Variants in ZNF329 observed in about 807,000 individuals in gnomAD.
The protein encoded by ZNF329 is zinc finger protein 329.
Under a neutral mutation model 26.6 loss-of-function variants are expected in ZNF329, and 15 were observed. The observed-to-expected ratio is 0.56, with a 90% CI of 0.38 to 0.87. The LOEUF is 0.87. ZNF329 is among the 40% of genes least tolerant of loss of function. The probability of loss-of-function intolerance (pLI) is 0.00; values close to 1 mark genes in which losing one functional copy is unlikely to be tolerated. For missense variants in ZNF329, 651 were observed against 651.9 expected (o/e 1.00, Z 0.02); for synonymous variants, 239 against 233.5 (o/e 1.02, Z -0.21).
chr19:58,130,399 C>T (rs985489696), intron 3 of ZNF329, among the ~76,000 whole-genome samples: 8 of 151,418 alleles, frequency 5.3e-5, no homozygotes, highest in Non-Finnish European at 8.8e-5. Flanking sequence ...GTCGGCCAGG[C>T]GCGGTGGTCA....
chr19:58,127,982 C>T lies in ZNF329; in HGVS notation c.1522G>A (p.Glu508Lys). 1 of 1,614,040 alleles carries T rather than the reference C, an allele frequency of 6.2e-7. No homozygotes were observed. The highest frequency in any genetic ancestry group is 8.5e-7 in the Non-Finnish European group (1 of 1,180,008). ...CACTGAGGACACCGGCTGGGACCCT[C>T]CCTGCTATGGAGTCTCTGATGTACT... ...LAVHQRLHSREGPSRCPQCGK... is the reference protein window; with the variant it reads ...LAVHQRLHSRKGPSRCPQCGK... The change falls in exon 4 of 4, where the codon GAG (glutamate) becomes AAG (lysine). Residue 508 changes from glutamate to lysine, a missense_variant. Transcript: ENST00000598312.
At chr19:58,130,435 G>A (rs541700327) in intron 3 of ZNF329, among the ~76,000 whole-genome samples, 193 of 152,182 alleles carry the variant, frequency 1.3e-3, no homozygotes, top group Admixed American at 2.3e-3. Context: ...CACTTTGGGA[G>A]GCCGAGGTGG....
chr19:58,140,695 G>C (rs552294567), intron 3 of ZNF329, among the ~76,000 whole-genome samples: 2 of 151,766 alleles, frequency 1.3e-5, no homozygotes, highest in Admixed American at 6.6e-5. Flanking sequence ...GATTACAGGC[G>C]TGACCACCGC....
chr19:58,146,015 AGAAAG>A (rs951494454), intron 1 of ZNF329, among the ~76,000 whole-genome samples: 5 of 151,606 alleles, frequency 3.3e-5, no homozygotes, highest in African/African-American at 1.2e-4. Context: ...AAAAAAAAAA[AGAAAG>A]GAGAGTGCCA....
intron 1 of ZNF329, 125 bp downstream of exon 1, chr19:58,150,627 G>C (rs915613673): frequency 1.3e-5 from 2 of 152,932 alleles, no homozygotes; most frequent in African/African-American, 4.8e-5. Context: ...CCACCACCCA[G>C]GTGAAACCCA....
chr19:58,137,809 C>CAAAAAAAAAAAAAAAAA (rs72295173), intron 3 of ZNF329, among the ~76,000 whole-genome samples: 1 of 76,260 alleles, frequency 1.3e-5, no homozygotes, highest in Non-Finnish European at 2.4e-5. Context: ...ACAAAAAATA[C>CAAAAAAAAAAAAAAAAA]AAAAAAAAAA....
At chr19:58,150,365 C>T (rs159679) in intron 1 of ZNF329, among the ~76,000 whole-genome samples, 84,390 of 152,070 alleles carry the variant, frequency 0.55, 23,576 homozygotes, top group South Asian at 0.64. Flanking sequence ...AGAAAAGCTG[C>T]AGACTCGGGG....
At chr19:58,153,362 A>G (rs551341543), upstream of ZNF329, among the ~76,000 whole-genome samples, 9 of 152,246 alleles carry the variant, frequency 5.9e-5, no homozygotes, top group African/African-American at 2.2e-4. Context: ...CACCCACCTC[A>G]GCCTCCCAAA....
rs2074856808 is a variant in ZNF329, at chr19:58,128,577, A to G, written c.927T>C (p.His309=). The change falls in exon 4 of 4, where the codon CAT becomes CAC. Residue 309 remains histidine (H), a synonymous_variant. Coordinates refer to ENST00000598312, the MANE Select transcript of ZNF329 (RefSeq NM_024620.4). ...NSSLILHQRT[H]TGEKPYRCNE... is the part of the protein sequence containing the mutation. ...TACATCTATATGGTTTTTCCCCTGTATGAGTTCTTTGGTGCAAAATTAAGG... is the reference window on the plus strand; with the variant it reads ...TACATCTATATGGTTTTTCCCCTGTGTGAGTTCTTTGGTGCAAAATTAAGG... The G allele has an allele frequency of 6.2e-7, 1 of 1,613,552 alleles. No homozygotes were observed. Among genetic ancestry groups the G allele is most frequent in the South Asian group, 1.1e-5 (1 of 91,056 alleles).
At position 58,128,450 on chromosome 19, in the gene ZNF329, A is replaced by G; in HGVS notation, c.1054T>C (p.Phe352Leu). 2 of 1,613,332 alleles carry G rather than the reference A, an allele frequency of 1.2e-6. No homozygotes were observed. The highest frequency in any genetic ancestry group is 1.7e-6 in the Non-Finnish European group (2 of 1,179,568). ...PYECSKCGKA[F>L]RDGSYLTQHE... ...TGGGTGAGGTACGAGCCGTCCCGGAAAGCCTTTCCACATTTGCTACACTCA... is the reference window on the plus strand; with the variant it reads ...TGGGTGAGGTACGAGCCGTCCCGGAGAGCCTTTCCACATTTGCTACACTCA... Residue 352 changes from phenylalanine to leucine, a missense_variant, in exon 4 of 4, where the codon TTC (phenylalanine) becomes CTC (leucine). By Grantham distance (22) the Phe-to-Leu change is conservative. Coordinates refer to ENST00000598312, the MANE Select transcript of ZNF329 (RefSeq NM_024620.4).
chr19:58,129,410 A>G lies in ZNF329; in HGVS notation c.94T>C (p.Ser32Pro). ...ERFTREVPCL[S>P]SLGDGWDCEN... ...CAGTCCCAACCATCACCTAAACTGGACAAGCAGGGAACTTCCCTTGTGAAT... is the reference window on the plus strand; with the variant it reads ...CAGTCCCAACCATCACCTAAACTGGGCAAGCAGGGAACTTCCCTTGTGAAT... The change falls in exon 4 of 4, where the codon TCC becomes CCC. Residue 32 changes from serine (S) to proline (P), a missense_variant. Coordinates refer to ENST00000598312, the MANE Select transcript of ZNF329 (RefSeq NM_024620.4). 1 of 1,614,164 alleles carries G rather than the reference A, an allele frequency of 6.2e-7. No individual in the cohort carries two copies. Among genetic ancestry groups the G allele is most frequent in the Non-Finnish European group, 8.5e-7 (1 of 1,180,018 alleles).
chr19:58,142,046 A>G (rs140942247), intron 3 of ZNF329, among the ~76,000 whole-genome samples: 108 of 152,290 alleles, frequency 7.1e-4, no homozygotes, highest in African/African-American at 2.6e-3. Context: ...GTGACAGAGC[A>G]AGACTACATC....
At chr19:58,142,171 A>G (rs1292635607) in intron 3 of ZNF329, among the ~76,000 whole-genome samples, 1 of 152,232 alleles carries the variant, frequency 6.6e-6, no homozygotes, top group Admixed American at 6.5e-5. Flanking sequence ...TGAAATGTCC[A>G]TAACAGGCAA....
Position 58,136,938 on chromosome 19 carries a change from C to T in ZNF329, c.-9+5619G>A, listed in dbSNP as rs533538753. The T allele has an allele frequency of 2.2e-5, 4 of 185,050 alleles. No individual in the cohort carries two copies. The East Asian group carries it at 5.9e-4, about 27-fold the overall frequency. 11.5% of individuals were successfully genotyped at this position (185,050 alleles called of 1,614,324 possible). A position where few individuals can be genotyped will look rare whatever the true frequency, so the allele number is the denominator to read the frequency against. The stretch of plus-strand genomic sequence containing the variant: ...TGACTGATGATCCTCCAACAATAAA[C>T]AACCTACTGCTTGTAAACTCATTGG... On this transcript the variant is annotated intron_variant, in intron 3 of 3. Coordinates refer to ENST00000598312, the MANE Select transcript of ZNF329 (RefSeq NM_024620.4).
intron 2 of ZNF329, 136 bp downstream of exon 2, chr19:58,142,969 A>G (rs1159045840): frequency 6.6e-6 from 1 of 152,590 alleles, no homozygotes; most frequent in Non-Finnish European, 1.5e-5. Flanking sequence ...GCCCAGCCAC[A>G]GCCGGGTGCA....
rs1046588380 is a variant in ZNF329 at position 58,126,574 on chromosome 19, A to T, written c.*1304T>A. The T allele has an allele frequency of 1.3e-5, 2 of 152,230 alleles. No homozygotes were observed. Among genetic ancestry groups the T allele is most frequent in the African/African-American group, 4.8e-5 (2 of 41,464 alleles). 9.4% of individuals were successfully genotyped at this position (152,230 alleles called of 1,614,324 possible). On this transcript the variant is annotated 3_prime_UTR_variant, in exon 4 of 4. Coordinates refer to ENST00000598312, the MANE Select transcript of ZNF329 (RefSeq NM_024620.4). ...GGTGGGGTGATAACATAAACATAAC[A>T]ACTCAGTATTTTTGCTTCAACAACT... is the stretch of plus-strand genomic sequence containing the variant.
At chr19:58,144,215 C>T (rs1457582959) in intron 1 of ZNF329, among the ~76,000 whole-genome samples, 1 of 151,358 alleles carries the variant, frequency 6.6e-6, no homozygotes, top group East Asian at 1.9e-4. Flanking sequence ...TGCTCTGTTG[C>T]CCAGGCTGGA....
intron 1 of ZNF329, among the ~76,000 whole-genome samples, chr19:58,149,618 T>C (rs1211233757): frequency 2.6e-5 from 4 of 152,080 alleles, no homozygotes; most frequent in Non-Finnish European, 5.9e-5. Flanking sequence ...AGCAGTAGAA[T>C]GGAGGAAAGT....
rs368843990 is a variant in ZNF329, at chr19:58,137,516, T to C, written c.-9+5041A>G. On this transcript the variant is annotated intron_variant, in intron 3 of 3. Coordinates refer to ENST00000598312, the MANE Select transcript of ZNF329 (RefSeq NM_024620.4). ...TTGCAGTGAGCCGAGATCGTGCCAC[T>C]GCACTCTAGCCTGGGTGACAGAGCA... is the stretch of plus-strand genomic sequence containing the variant. Among the ~76,000 whole-genome samples, 3 of 151,926 alleles carry C rather than the reference T, an allele frequency of 2.0e-5. No homozygotes were observed. The East Asian group carries it at 5.8e-4, about 29-fold the overall frequency.
Sources: allele counts gnomAD v4.1 joint callset (sites outside exome capture counted in the v4.1 genomes callset), GRCh38; gene constraint gnomAD v4.1.1; transcripts MANE v1.5; gene names NCBI Gene and HGNC (gene_info 2026-07-23, HGNC 2026-07-21).